Variants in MAML3 observed in about 807,000 individuals in gnomAD.
MAML3 encodes mastermind-like protein 3.
A neutral mutation model predicts 101.9 loss-of-function variants in MAML3; 27 were observed. The observed-to-expected ratio is 0.27, with a 90% confidence interval of 0.20 to 0.37. The LOEUF is 0.37. Among genes scored for constraint, MAML3 ranks in the 10% least tolerant of loss-of-function variants. MAML3 has a pLI of 1.00. For synonymous variants in MAML3, 501 were observed against 555.9 expected, an observed-to-expected ratio of 0.90 and a Z score of 1.39; for missense variants, 1,316 against 1,444.9, an observed-to-expected ratio of 0.91 and a Z score of 1.45.
chr4:139,780,749 G>A lies in MAML3; in HGVS notation c.2080-50082C>T, dbSNP rs1730186041. Among the ~76,000 whole-genome samples the A allele has an allele frequency of 2.0e-5, 3 of 151,344 alleles. No homozygotes were observed. The South Asian group carries it at 6.2e-4, about 32-fold the overall frequency. On this transcript the variant is annotated intron_variant, in intron 2 of 4. Coordinates refer to ENST00000509479, the MANE Select transcript of MAML3 (RefSeq NM_018717.5). ...GGGTTCAAGTGATTATCATGTCTCAGCCTCCTGAGCAGCTGGGATTACAAG... is the reference window on the plus strand; with the variant it reads ...GGGTTCAAGTGATTATCATGTCTCAACCTCCTGAGCAGCTGGGATTACAAG...
chr4:140,081,080 G>A (rs781381632), intron 1 of MAML3, among the ~76,000 whole-genome samples: 24 of 152,066 alleles, frequency 1.6e-4, no homozygotes, highest in Non-Finnish European at 2.2e-4. Flanking sequence ...ATTCTCTCAC[G>A]TCTACTTTAC....
intron 1 of MAML3, among the ~76,000 whole-genome samples, chr4:139,926,446 A>G (rs1472774188): frequency 6.6e-6 from 1 of 152,134 alleles, no homozygotes; most frequent in East Asian, 1.9e-4. Context: ...TAAAAATACA[A>G]AAAATTAGCT....
At chr4:140,119,998 G>A (rs542111809) in intron 1 of MAML3, among the ~76,000 whole-genome samples, 79 of 152,232 alleles carry the variant, frequency 5.2e-4, no homozygotes, top group Admixed American at 3.1e-3. Flanking sequence ...AGCACTTTGG[G>A]AGGCCGAGGC....
chr4:139,999,722 G>A (rs937008170), intron 1 of MAML3, among the ~76,000 whole-genome samples: 1 of 152,164 alleles, frequency 6.6e-6, no homozygotes, highest in African/African-American at 2.4e-5. Context: ...GTTATTTGTA[G>A]GTGTGATAAA....
At chr4:139,758,642 G>A (rs1049107941) in intron 2 of MAML3, among the ~76,000 whole-genome samples, 2 of 152,184 alleles carry the variant, frequency 1.3e-5, no homozygotes, top group South Asian at 2.1e-4. Flanking sequence ...TGCTCGGTAC[G>A]TTATCAAACA....
At chr4:140,126,015 A>T (rs966702971) in intron 1 of MAML3, among the ~76,000 whole-genome samples, 3 of 152,054 alleles carry the variant, frequency 2.0e-5, no homozygotes, top group African/African-American at 7.2e-5. Flanking sequence ...TGACCTCGTG[A>T]TCCACCCGCC....
At chr4:139,986,878 G>A (rs1168762991) in intron 1 of MAML3, among the ~76,000 whole-genome samples, 1 of 152,200 alleles carries the variant, frequency 6.6e-6, no homozygotes, top group Non-Finnish European at 1.5e-5. Flanking sequence ...CTCAGGAGAT[G>A]AGGAACAAAC....
At chr4:140,131,806 G>C (rs1164177754) in intron 1 of MAML3, among the ~76,000 whole-genome samples, 1 of 152,210 alleles carries the variant, frequency 6.6e-6, no homozygotes, top group Non-Finnish European at 1.5e-5. Flanking sequence ...CCAGCACCAA[G>C]CCAGGGGCTG....
At chr4:139,977,716 T>C (rs1006831536) in intron 1 of MAML3, among the ~76,000 whole-genome samples, 2 of 151,530 alleles carry the variant, frequency 1.3e-5, no homozygotes, top group Non-Finnish European at 1.5e-5. Context: ...CTACTAAAAA[T>C]ACAAAAATCA....
intron 2 of MAML3, among the ~76,000 whole-genome samples, chr4:139,739,632 G>C (rs1385080216): frequency 6.9e-6 from 1 of 145,096 alleles, no homozygotes; most frequent in Non-Finnish European, 1.5e-5. Flanking sequence ...TAATCACATA[G>C]GAAAAAGCTT....
intron 1 of MAML3, among the ~76,000 whole-genome samples, chr4:139,984,848 A>G (rs1463047117): frequency 6.6e-6 from 1 of 152,232 alleles, no homozygotes; most frequent in Non-Finnish European, 1.5e-5. Context: ...GATGTTAACC[A>G]CATTACAAAA....
chr4:139,988,895 C>T (rs1035309885), intron 1 of MAML3, among the ~76,000 whole-genome samples: 6 of 152,158 alleles, frequency 3.9e-5, no homozygotes, highest in Admixed American at 1.3e-4. Flanking sequence ...CCCTGTTAAA[C>T]AGGGGGCAAT....
At chr4:139,826,291 T>G (rs1190312524) in intron 2 of MAML3, among the ~76,000 whole-genome samples, 1 of 151,734 alleles carries the variant, frequency 6.6e-6, no homozygotes, top group East Asian at 1.9e-4. Context: ...CCACAAGGAG[T>G]ATCAGTGAAG....
intron 2 of MAML3, among the ~76,000 whole-genome samples, chr4:139,876,465 T>C (rs1042767885): frequency 1.1e-4 from 17 of 152,344 alleles, no homozygotes; most frequent in South Asian, 4.1e-4. Flanking sequence ...ATGGGTGATA[T>C]TGAAACTAAC....
intron 4 of MAML3, among the ~76,000 whole-genome samples, chr4:139,721,004 C>G (rs1728210882): frequency 6.6e-6 from 1 of 152,208 alleles, no homozygotes; most frequent in South Asian, 2.1e-4. Context: ...CAACATGCTC[C>G]AGATTCTCTG....
At chr4:140,108,575 T>C (rs1728391064) in intron 1 of MAML3, among the ~76,000 whole-genome samples, 1 of 149,088 alleles carries the variant, frequency 6.7e-6, no homozygotes, top group African/African-American at 2.5e-5. Context: ...AAAGATTTAA[T>C]GACCTAGCAC....
In MAML3 at chr4:140,154,072, C is replaced by A; in HGVS notation, c.-745G>T. On this transcript the variant is annotated 5_prime_UTR_variant, in exon 1 of 5. Transcript: ENST00000509479. ...ACGCTCGGCTGGGCTGCCGCTGCCG[C>A]CGCTGCTCCTGCCACCATCACAATG... 5.9e-6 allele frequency: 1 copy of A among 169,264 alleles called. No homozygotes were observed. Among genetic ancestry groups the A allele is most frequent in the Non-Finnish European group, 1.3e-5 (1 of 77,830 alleles). The allele number at this position is 169,264 out of a possible 1,614,324, so 10.5% of individuals were successfully genotyped here.
At chr4:139,880,441 A>C (rs1732196283) in intron 2 of MAML3, among the ~76,000 whole-genome samples, 1 of 151,998 alleles carries the variant, frequency 6.6e-6, no homozygotes, top group Non-Finnish European at 1.5e-5. Flanking sequence ...GTCAGTGAGG[A>C]GTGTTCTGTC....
chr4:139,794,613 C>A (rs573067072), intron 2 of MAML3, among the ~76,000 whole-genome samples: 32 of 152,330 alleles, frequency 2.1e-4, no homozygotes, highest in Non-Finnish European at 3.7e-4. Flanking sequence ...AGGCAGCCTG[C>A]AAATTTGGGC....
Sources: allele counts gnomAD v4.1 joint callset (sites outside exome capture counted in the v4.1 genomes callset), GRCh38; gene constraint gnomAD v4.1.1; transcripts MANE v1.5; gene names NCBI Gene and HGNC (gene_info 2026-07-23, HGNC 2026-07-21).